KYNU: variants seen among roughly 807,000 people sequenced by gnomAD.
The protein encoded by KYNU is L-kynurenine hydrolase.
In KYNU, 54 loss-of-function variants were observed where a neutral mutation model predicts 59.2. The observed-to-expected ratio is 0.91, with a 90% CI of 0.73 to 1.14. The LOEUF (loss-of-function observed/expected upper bound fraction) is 1.14, where lower values mean the gene tolerates loss of function less well. KYNU is among the 50% of genes most tolerant of loss of function. The pLI is 0.00. For synonymous variants in KYNU, 177 were observed against 192.0 expected (o/e 0.92, Z 0.65); for missense variants, 567 against 554.4 (o/e 1.02, Z -0.23).
At chr2:143,027,459 G>C (rs142915320) in intron 10 of KYNU, among the ~76,000 whole-genome samples, 1 of 152,142 alleles carries the variant, frequency 6.6e-6, no homozygotes, top group African/African-American at 2.4e-5. Context: ...AGGTGTTTTT[G>C]TTTGTTTTGT....
At chr2:142,941,426 T>A (rs17805827) in intron 4 of KYNU, among the ~76,000 whole-genome samples, 39,966 of 152,140 alleles carry the variant, frequency 0.26, 6,422 homozygotes, top group South Asian at 0.42. Context: ...ATTAGATGTG[T>A]TTGGTCCCAA....
At chr2:142,899,723 T>C (rs898709850) in intron 2 of KYNU, among the ~76,000 whole-genome samples, 3 of 152,180 alleles carry the variant, frequency 2.0e-5, no homozygotes, top group Non-Finnish European at 4.4e-5. Context: ...GATTTGTAGT[T>C]TTATAGCTTT....
At position 142,955,809 on chromosome 2, in the gene KYNU, A is replaced by G. The variant is rs540169064; in HGVS notation, c.436-394A>G. 2.7e-4 allele frequency among the ~76,000 whole-genome samples: 41 copies of G among 152,216 alleles called. No individual in the cohort carries two copies. The South Asian group carries it at 7.9e-3, about 29-fold the overall frequency. The stretch of plus-strand genomic sequence containing the variant: ...TACTATCAATACAAATAAGACATAC[A>G]TAGACCATAATATTTCAGTGTCATG... On this transcript the variant is annotated intron_variant, in intron 5 of 13. Transcript: ENST00000264170.
At chr2:142,957,876 A>G (rs553937112) in intron 7 of KYNU, 161 bp downstream of exon 7, 6 of 602,208 alleles carry the variant, frequency 1.0e-5, no homozygotes, top group African/African-American at 9.3e-5. Flanking sequence ...TTTGCTTAAA[A>G]TAGAGAATAA....
intron 10 of KYNU, among the ~76,000 whole-genome samples, chr2:143,008,101 A>G (rs1392618192): frequency 8.4e-6 from 1 of 118,772 alleles, no homozygotes; most frequent in African/African-American, 3.8e-5. Flanking sequence ...CAATTAAAAG[A>G]CACAGACTGG....
At chr2:142,989,072 C>T (rs1402756003) in intron 10 of KYNU, among the ~76,000 whole-genome samples, 2 of 151,858 alleles carry the variant, frequency 1.3e-5, no homozygotes, top group African/African-American at 4.8e-5. Context: ...TACAATATCA[C>T]GCTGCTCAAA....
Position 142,973,470 on chromosome 2 carries a change from T to C in KYNU, c.730-11614T>C, listed in dbSNP as rs73964472. 3.2e-3 allele frequency among the ~76,000 whole-genome samples: 484 copies of C among 152,274 alleles called. 3 individuals are homozygous for C. Among genetic ancestry groups the C allele is most frequent in the African/African-American group, 0.011 (457 of 41,576 alleles). ...CCCCTCCATACCCCTTTTATCTCCT[T>C]CTGGCAGGTCTCTTAGGCAGTTGCT... is the stretch of plus-strand genomic sequence containing the variant. On this transcript the variant is annotated intron_variant, in intron 8 of 13. Transcript: ENST00000264170.
At chr2:142,990,528 A>G in intron 10 of KYNU, among the ~76,000 whole-genome samples, 1 of 151,878 alleles carries the variant, frequency 6.6e-6, no homozygotes, top group East Asian at 1.9e-4. Context: ...AGAGTCTACT[A>G]TGAAAACAGG....
chr2:142,955,617 A>G (rs1684135523), intron 5 of KYNU, among the ~76,000 whole-genome samples: 1 of 152,078 alleles, frequency 6.6e-6, no homozygotes, highest in South Asian at 2.1e-4. Context: ...TCTACCTCAA[A>G]GATCTGCATG....
intron 1 of KYNU, among the ~76,000 whole-genome samples, chr2:142,885,117 G>A (rs1448987968): frequency 1.6e-4 from 18 of 115,532 alleles, no homozygotes; most frequent in Admixed American, 3.0e-4. Flanking sequence ...CGCCCACCTC[G>A]GCCTCCCAAA....
At position 142,985,847 on chromosome 2, in the gene KYNU, T is replaced by A. The variant is rs1051436961; in HGVS notation, c.829-101T>A. 37 of 771,042 alleles carry A rather than the reference T, an allele frequency of 4.8e-5. No homozygotes were observed. The African/African-American group carries it at 4.8e-4, about 10-fold the overall frequency. The allele number at this position is 771,042 out of a possible 1,614,324, so 47.8% of individuals were successfully genotyped here. ...CAAATAATCACACATTTTGAACTGATCAAATGTTGTGGTTTCAATTAAAAA... is the reference window on the plus strand; with the variant it reads ...CAAATAATCACACATTTTGAACTGAACAAATGTTGTGGTTTCAATTAAAAA... On this transcript the variant is annotated intron_variant, in intron 9 of 13. Coordinates refer to ENST00000264170, the MANE Select transcript of KYNU (RefSeq NM_003937.3).
intron 10 of KYNU, among the ~76,000 whole-genome samples, chr2:142,993,099 T>A (rs1685448943): frequency 6.6e-6 from 1 of 151,996 alleles, no homozygotes; most frequent in South Asian, 2.1e-4. Flanking sequence ...TGGAATGCAA[T>A]ACTAACTAAG....
chr2:143,004,375 A>C (rs909224574), intron 10 of KYNU, among the ~76,000 whole-genome samples: 10 of 152,190 alleles, frequency 6.6e-5, no homozygotes, highest in African/African-American at 1.9e-4. Context: ...TCAGCTCTCA[A>C]CATGGATAGT....
intron 11 of KYNU, among the ~76,000 whole-genome samples, chr2:143,032,152 C>T (rs1366856955): frequency 6.6e-6 from 1 of 152,032 alleles, no homozygotes; most frequent in Non-Finnish European, 1.5e-5. Flanking sequence ...GTGACAGGCA[C>T]CCGTAGTCCC....
Position 142,898,711 on chromosome 2 carries a change from C to T in KYNU, c.169+13175C>T, listed in dbSNP as rs961152568. Among the ~76,000 whole-genome samples the T allele has an allele frequency of 5.9e-5, 9 of 152,194 alleles. No homozygotes were observed. The East Asian group carries it at 1.4e-3, about 23-fold the overall frequency. On this transcript the variant is annotated intron_variant, in intron 2 of 13. Transcript: ENST00000264170. Reference sequence around the variant, plus strand: ...TGTGGGTCTTTGTTCTTAGAGCTCCCAAGATGGGGCGGGCCGCTCCCAAGA... The same window carrying T: ...TGTGGGTCTTTGTTCTTAGAGCTCCTAAGATGGGGCGGGCCGCTCCCAAGA...
At chr2:142,880,826 T>C (rs1681270873) in intron 1 of KYNU, among the ~76,000 whole-genome samples, 1 of 152,210 alleles carries the variant, frequency 6.6e-6, no homozygotes, top group Admixed American at 6.5e-5. Context: ...CAGTGATCTC[T>C]CTTCAAAATG....
rs937503411 is a variant in KYNU, at chr2:143,055,785, C to G, written c.*13613C>G. ...CTGGGTGAATAATATGTGGAATTCT[C>G]TCTATTTTTGTTAATGTTGGAAAAT... On this transcript the variant is annotated 3_prime_UTR_variant, in exon 14 of 14. Transcript: ENST00000264170. 6.6e-6 allele frequency: 1 copy of G among 152,048 alleles called. No individual in the cohort carries two copies. Among genetic ancestry groups the G allele is most frequent in the African/African-American group, 2.4e-5 (1 of 41,408 alleles). 9.4% of individuals were successfully genotyped at this position (152,048 alleles called of 1,614,324 possible).
At position 142,885,079 on chromosome 2, in the gene KYNU, G is replaced by C. The variant is rs574322247; in HGVS notation, c.-19-270G>C. ...GAGGTTTCACCATGTTGGCCAGGCTGGTCTCAAACTCCTGACCTCAAGTGA... is the reference window on the plus strand; with the variant it reads ...GAGGTTTCACCATGTTGGCCAGGCTCGTCTCAAACTCCTGACCTCAAGTGA... On this transcript the variant is annotated intron_variant, in intron 1 of 13. Transcript: ENST00000264170. Among the ~76,000 whole-genome samples the C allele has an allele frequency of 4.1e-4, 46 of 113,368 alleles. 1 individual carries two copies. Among genetic ancestry groups the C allele is most frequent in the Admixed American group, 1.6e-3 (15 of 9,256 alleles). The allele number at this position is 113,368 out of a possible 152,430, so 74.4% of individuals were successfully genotyped here. A position where few individuals can be genotyped will look rare whatever the true frequency, so the allele number is the denominator to read the frequency against.
rs144950194 is a variant in KYNU, at chr2:142,943,942, C to T, written c.374-10868C>T. Among the ~76,000 whole-genome samples the T allele has an allele frequency of 1.1e-3, 167 of 152,250 alleles. No homozygotes were observed. The Middle Eastern group carries it at 0.014, about 12-fold the overall frequency. Reference sequence around the variant, plus strand: ...AACATTGTATGGCAGTTATGAGACCCGTAATGAACCCTCTTATCCAATGGT... The same window carrying T: ...AACATTGTATGGCAGTTATGAGACCTGTAATGAACCCTCTTATCCAATGGT... On this transcript the variant is annotated intron_variant, in intron 4 of 13. Coordinates refer to ENST00000264170, the MANE Select transcript of KYNU (RefSeq NM_003937.3).
Sources: gnomAD v4.1 joint callset for allele counts (sites outside exome capture counted in the v4.1 genomes callset) on GRCh38, gnomAD v4.1.1 for gene constraint, MANE v1.5 for transcripts, NCBI Gene and HGNC (gene_info 2026-07-23, HGNC 2026-07-21) for gene names.